Variants in STK3 observed in about 807,000 individuals in gnomAD.
The protein encoded by STK3 is serine/threonine kinase 3.
Under a neutral mutation model 58.0 loss-of-function variants are expected in STK3, and 41 were observed. The ratio of observed to expected loss-of-function variants is 0.71; its 90% CI spans 0.55 to 0.92. The LOEUF (loss-of-function observed/expected upper bound fraction) is 0.92, where lower values mean the gene tolerates loss of function less well. Ranked by LOEUF, STK3 falls within the 40% of genes least tolerant of loss-of-function variation. The pLI, the probability that STK3 is intolerant of heterozygous loss-of-function variation, is 0.00. For missense variants in STK3, 479 were observed against 602.7 expected (o/e 0.79, Z 2.15); for synonymous variants, 170 against 191.0 (o/e 0.89, Z 0.91).
intron 6 of STK3, among the ~76,000 whole-genome samples, chr8:98,678,754 CAT>C (rs1823405040): frequency 6.6e-6 from 1 of 152,098 alleles, no homozygotes. Context: ...CACAGAAGCC[CAT>C]ATATCAAAAT....
At chr8:98,853,565 A>G (rs1048587353) in intron 3 of STK3, among the ~76,000 whole-genome samples, 3 of 152,096 alleles carry the variant, frequency 2.0e-5, no homozygotes, top group Admixed American at 2.0e-4. Context: ...GCTAATGCAC[A>G]TTCTGGCTTC....
chr8:98,528,667 G>A (rs1825926580), intron 9 of STK3, among the ~76,000 whole-genome samples: 1 of 152,052 alleles, frequency 6.6e-6, no homozygotes, highest in Non-Finnish European at 1.5e-5. Context: ...TGTATTTTTA[G>A]TAGAGATGGG....
At chr8:98,626,852 G>A (rs1328144377) in intron 6 of STK3, among the ~76,000 whole-genome samples, 1 of 152,176 alleles carries the variant, frequency 6.6e-6, no homozygotes, top group Non-Finnish European at 1.5e-5. Context: ...TCCCAAACTA[G>A]AAACTGCAGA....
chr8:98,869,833 AT>A (rs1175256334), intron 3 of STK3, among the ~76,000 whole-genome samples: 1 of 147,842 alleles, frequency 6.8e-6, no homozygotes, highest in Non-Finnish European at 1.5e-5. Flanking sequence ...GGGATAATAT[AT>A]TTTTTCTTTT....
chr8:98,468,679 G>C (rs563582117), intron 10 of STK3, among the ~76,000 whole-genome samples: 3 of 152,322 alleles, frequency 2.0e-5, no homozygotes, highest in Non-Finnish European at 4.4e-5. Flanking sequence ...TAACTTAGAT[G>C]TGTCTCATGG....
intron 6 of STK3, among the ~76,000 whole-genome samples, chr8:98,652,285 A>T (rs1382816420): frequency 2.6e-5 from 4 of 152,048 alleles, no homozygotes; most frequent in African/African-American, 7.2e-5. Context: ...AAATGCTGAG[A>T]GATTTTGTCA....
chr8:98,713,324 CA>C (rs1237717710), intron 4 of STK3, among the ~76,000 whole-genome samples: 1 of 151,930 alleles, frequency 6.6e-6, no homozygotes. Flanking sequence ...AAAAACCCTT[CA>C]AAAAATTAAT....
At chr8:98,468,270 G>T (rs1820636470) in intron 10 of STK3, among the ~76,000 whole-genome samples, 1 of 152,184 alleles carries the variant, frequency 6.6e-6, no homozygotes, top group African/African-American at 2.4e-5. Flanking sequence ...ATGGGCCTTA[G>T]AAGATAAAAT....
intron 10 of STK3, among the ~76,000 whole-genome samples, chr8:98,484,326 C>T (rs1359459862): frequency 6.6e-6 from 1 of 152,130 alleles, no homozygotes; most frequent in Non-Finnish European, 1.5e-5. Flanking sequence ...GGGACACCAA[C>T]ATATTTTATT....
At chr8:98,400,969 C>A (rs1424650398), downstream of STK3, among the ~76,000 whole-genome samples, 1 of 152,070 alleles carries the variant, frequency 6.6e-6, no homozygotes, top group Non-Finnish European at 1.5e-5. Flanking sequence ...GCGGCTGTGT[C>A]ATCTCTCCTT....
intron 1 of STK3, among the ~76,000 whole-genome samples, chr8:98,941,867 A>G (rs1168054083): frequency 3.3e-5 from 5 of 152,240 alleles, no homozygotes; most frequent in Non-Finnish European, 1.5e-5. Flanking sequence ...AGCCGCGAGG[A>G]CAGCAGATGA....
intron 10 of STK3, among the ~76,000 whole-genome samples, chr8:98,464,556 A>AG (rs1820303083): frequency 6.7e-6 from 1 of 150,012 alleles, no homozygotes; most frequent in South Asian, 2.1e-4. Flanking sequence ...AAAAAAAAAA[A>AG]AAAAAAAAGA....
At chr8:98,584,399 T>C (rs976877680) in intron 7 of STK3, among the ~76,000 whole-genome samples, 1 of 152,042 alleles carries the variant, frequency 6.6e-6, no homozygotes, top group Non-Finnish European at 1.5e-5. Flanking sequence ...ATTTCCAATT[T>C]CATCCATGTT....
chr8:98,635,757 A>G (rs1378568858), intron 6 of STK3, among the ~76,000 whole-genome samples: 3 of 152,152 alleles, frequency 2.0e-5, no homozygotes, highest in African/African-American at 4.8e-5. Flanking sequence ...ACATGTATAT[A>G]TAACAATAGT....
At chr8:98,740,244 C>T (rs1442236297) in intron 4 of STK3, among the ~76,000 whole-genome samples, 45 of 151,666 alleles carry the variant, frequency 3.0e-4, no homozygotes, top group East Asian at 1.5e-3. Context: ...ATACAGAGAA[C>T]GCCACAAAGA....
At chr8:98,694,522 C>G (rs1033008698) in intron 6 of STK3, among the ~76,000 whole-genome samples, 3 of 152,058 alleles carry the variant, frequency 2.0e-5, no homozygotes, top group Non-Finnish European at 4.4e-5. Flanking sequence ...CAGAACAGTC[C>G]CCAGAGTGTG....
At chr8:98,351,771 A>T in the STK3 span, among the ~76,000 whole-genome samples, 4 of 152,182 alleles carry the variant, frequency 2.6e-5, no homozygotes, top group African/African-American at 9.7e-5. Context: ...AAAAGATGCA[A>T]ATCTCCTTAG....
At chr8:98,832,741 C>A (rs1835585582) in intron 3 of STK3, among the ~76,000 whole-genome samples, 1 of 152,054 alleles carries the variant, frequency 6.6e-6, no homozygotes, top group Non-Finnish European at 1.5e-5. Context: ...GATTTAATTT[C>A]TATTTCTCAC....
chr8:98,525,834 A>G (rs957733509), intron 10 of STK3, among the ~76,000 whole-genome samples: 2 of 151,980 alleles, frequency 1.3e-5, no homozygotes, highest in African/African-American at 4.8e-5. Flanking sequence ...AAGCATTTAG[A>G]GTCATGTTGT....
Sources: allele counts gnomAD v4.1 joint callset (sites outside exome capture counted in the v4.1 genomes callset), GRCh38; gene constraint gnomAD v4.1.1; transcripts MANE v1.5; gene names NCBI Gene and HGNC (gene_info 2026-07-23, HGNC 2026-07-21).